Variants in GLB1 observed in about 807,000 individuals in gnomAD.
GLB1 encodes galactosidase beta 1.
A neutral mutation model predicts 74.0 loss-of-function variants in GLB1; 56 were observed. That is an observed-to-expected ratio of 0.76 (90% confidence interval 0.61 to 0.94). The LOEUF (loss-of-function observed/expected upper bound fraction) is 0.94. Ranked by LOEUF, GLB1 falls within the 40% of genes least tolerant of loss-of-function variation. The pLI, the probability that GLB1 is intolerant of heterozygous loss-of-function variation, is 0.00. For synonymous variants in GLB1, 323 were observed against 323.6 expected, an observed-to-expected ratio of 1.00 and a Z score of 0.02; for missense variants, 787 against 845.5, an observed-to-expected ratio of 0.93 and a Z score of 0.86.
chr3:33,025,785 G>A (rs531335175), intron 10 of GLB1, among the ~76,000 whole-genome samples: 27 of 152,284 alleles, frequency 1.8e-4, no homozygotes, highest in African/African-American at 6.5e-4. Context: ...GCGGCGGAGA[G>A]GACCCCTGTG....
Position 33,068,857 on chromosome 3 carries a change from A to G in GLB1, c.359T>C (p.Leu120Pro). ...LAHELGLLVILRPGPYICAEW... is the reference protein window; with the variant it reads ...LAHELGLLVIPRPGPYICAEW... Reference sequence around the variant, plus strand: ...TGCACAGATGTAGGGCCCGGGCCTCAGGATAACCAGCAGTCCCAGCTCATG... The same window carrying G: ...TGCACAGATGTAGGGCCCGGGCCTCGGGATAACCAGCAGTCCCAGCTCATG... The change falls in exon 3 of 16, where the codon CTG (leucine) becomes CCG (proline). Residue 120 changes from leucine (L) to proline (P), a missense_variant. By Grantham distance (98) the Leu-to-Pro change is moderately conservative (BLOSUM62 -3). Coordinates refer to ENST00000307363, the MANE Select transcript of GLB1 (RefSeq NM_000404.4). 6.2e-7 allele frequency: 1 copy of G among 1,614,176 alleles called. No homozygotes were observed. Among genetic ancestry groups the G allele is most frequent in the African/African-American group, 1.3e-5 (1 of 75,050 alleles).
At chr3:33,081,407 T>C (rs1312316854) in intron 1 of GLB1, among the ~76,000 whole-genome samples, 1 of 152,120 alleles carries the variant, frequency 6.6e-6, no homozygotes, top group African/African-American at 2.4e-5. Flanking sequence ...ATGACGCTGG[T>C]CTACAGGAAA....
At position 33,077,198 on chromosome 3, in the gene GLB1, C is replaced by T. The variant is rs1700144559; in HGVS notation, c.76-4485G>A. The T allele has an allele frequency of 3.3e-6, 5 of 1,502,164 alleles. No individual in the cohort carries two copies. The South Asian group carries it at 3.5e-5, about 11-fold the overall frequency. 93.1% of individuals were successfully genotyped at this position (1,502,164 alleles called of 1,614,324 possible). A position where few individuals can be genotyped will look rare whatever the true frequency, so the allele number is the denominator to read the frequency against. On this transcript the variant is annotated intron_variant, in intron 1 of 15. Transcript: ENST00000307363. ...TGAAGCGGCAGCTGAGACTTAGGCG[C>T]TTGCCGTGGCAGATGAAAAGCCCAA...
chr3:33,088,368 TACACACACACACACACACACAC>T (rs55949952), intron 1 of GLB1, among the ~76,000 whole-genome samples: 2 of 141,720 alleles, frequency 1.4e-5, no homozygotes, highest in African/African-American at 5.3e-5. Context: ...CCCTAAAGAC[TACACACACACACACACACACAC>T]ACACACACAC....
intron 2 of GLB1, 60 bp from the exon 3 acceptor site, chr3:33,069,030 TG>T: frequency 6.2e-7 from 1 of 1,613,344 alleles, no homozygotes; most frequent in African/African-American, 1.3e-5. Flanking sequence ...GAAAGAAGCG[TG>T]GGGAAAGGGC....
intron 9 of GLB1, 87 bp from the exon 10 acceptor site, chr3:33,046,319 A>G: frequency 6.6e-7 from 1 of 1,507,398 alleles, no homozygotes; most frequent in Non-Finnish European, 9.1e-7. Context: ...AGCACTGTAG[A>G]GAGAGAAAAC....
intron 12 of GLB1, 37 bp downstream of exon 12, chr3:33,021,529 G>C: frequency 6.2e-7 from 1 of 1,603,388 alleles, no homozygotes; most frequent in African/African-American, 1.3e-5. Flanking sequence ...ACTTTTGCAA[G>C]TAGAAAAAAG....
At chr3:33,096,621 A>C in intron 1 of GLB1, 1 of 1,064,324 alleles carries the variant, frequency 9.4e-7, no homozygotes, top group African/African-American at 1.7e-5. Flanking sequence ...CCAACTGGGA[A>C]AGCGAGGGCG....
intron 10 of GLB1, among the ~76,000 whole-genome samples, chr3:33,031,994 C>A (rs1046118674): frequency 6.6e-6 from 1 of 152,006 alleles, no homozygotes; most frequent in African/African-American, 2.4e-5. Context: ...GATGGAGTAT[C>A]ACCATGTTGG....
At chr3:33,032,360 G>A (rs1372428290) in intron 10 of GLB1, among the ~76,000 whole-genome samples, 6 of 152,076 alleles carry the variant, frequency 3.9e-5, no homozygotes, top group African/African-American at 7.2e-5. Flanking sequence ...GGATGTTCCT[G>A]GAAATATTGA....
At chr3:33,092,815 T>C (rs1276391363) in intron 1 of GLB1, 2 of 1,571,028 alleles carry the variant, frequency 1.3e-6, no homozygotes, top group Admixed American at 1.8e-5. Flanking sequence ...AGGGCAGAGG[T>C]GCACAGGGCA....
intron 15 of GLB1, among the ~76,000 whole-genome samples, chr3:33,002,366 A>ATCCTTCCT (rs201204908): frequency 4.1e-5 from 3 of 73,926 alleles, no homozygotes; most frequent in South Asian, 5.1e-4. Flanking sequence ...CCTTCCTTCC[A>ATCCTTCCT]TCCTTCCTTC....
At chr3:33,023,270 G>C (rs750970903) in intron 11 of GLB1, among the ~76,000 whole-genome samples, 5 of 152,144 alleles carry the variant, frequency 3.3e-5, no homozygotes, top group Non-Finnish European at 4.4e-5. Context: ...TTTTCCTTAA[G>C]TAGCTGTAGC....
chr3:33,073,619 C>T (rs556450003), intron 1 of GLB1, among the ~76,000 whole-genome samples: 91 of 152,010 alleles, frequency 6.0e-4, no homozygotes, highest in Non-Finnish European at 1.1e-3. Flanking sequence ...ACCCGGGAAG[C>T]GGAGGTTGCA....
the GLB1 span, among the ~76,000 whole-genome samples, chr3:32,981,727 T>G: frequency 8.1e-5 from 12 of 148,982 alleles, no homozygotes; most frequent in Non-Finnish European, 1.6e-4. Flanking sequence ...GAGCTGAGAT[T>G]GCACCACTGC....
chr3:32,985,323 C>T, the GLB1 span, among the ~76,000 whole-genome samples: 1 of 151,998 alleles, frequency 6.6e-6, no homozygotes, highest in Non-Finnish European at 1.5e-5. Context: ...TGGAGTCTCG[C>T]TCTGTCGCCC....
chr3:33,025,781 G>A (rs963156129), intron 10 of GLB1, among the ~76,000 whole-genome samples: 2 of 152,212 alleles, frequency 1.3e-5, no homozygotes, highest in Non-Finnish European at 2.9e-5. Context: ...AGTGGCGGCG[G>A]AGAGGACCCC....
chr3:33,024,012 C>A (rs555244113), intron 11 of GLB1, among the ~76,000 whole-genome samples: 18 of 152,218 alleles, frequency 1.2e-4, no homozygotes, highest in African/African-American at 4.1e-4. Flanking sequence ...TCCAAGAATG[C>A]CTACTACTCC....
intron 9 of GLB1, among the ~76,000 whole-genome samples, chr3:33,048,267 T>TTA (rs1355314393): frequency 6.6e-6 from 1 of 152,162 alleles, no homozygotes; most frequent in African/African-American, 2.4e-5. Context: ...GAAGACTAAG[T>TTA]ATTTGTTCTA....
Sources: allele counts gnomAD v4.1 joint callset (sites outside exome capture counted in the v4.1 genomes callset), GRCh38; gene constraint gnomAD v4.1.1; transcripts MANE v1.5; gene names NCBI Gene and HGNC (gene_info 2026-07-23, HGNC 2026-07-21).